The following OR2C1 variants were observed in gnomAD, a reference collection of about 807,000 sequenced individuals.
OR2C1 encodes olfactory receptor family 2 subfamily C member 1.
For missense variants in OR2C1, 468 were observed against 388.3 expected, an observed-to-expected ratio of 1.21 and a Z score of -1.73; for synonymous variants, 209 against 167.3, an observed-to-expected ratio of 1.25 and a Z score of -1.92.
chr16:3,323,021 C>T, the OR2C1 span: 2 of 690,858 alleles, frequency 2.9e-6, no homozygotes, highest in Non-Finnish European at 3.6e-6. Context: ...GAGGTACTTG[C>T]CATGAACCTA....
the OR2C1 span, among the ~76,000 whole-genome samples, chr16:3,337,665 A>T: frequency 4.6e-5 from 7 of 151,878 alleles, no homozygotes; most frequent in Non-Finnish European, 1.0e-4. Context: ...TATTATCTTG[A>T]TGACCATTGA....
the OR2C1 span, among the ~76,000 whole-genome samples, chr16:3,331,428 T>C: frequency 6.6e-6 from 1 of 151,544 alleles, no homozygotes; most frequent in African/African-American, 2.4e-5. Context: ...TTGGTTGCCA[T>C]TGCTTTTGGT....
the OR2C1 span, among the ~76,000 whole-genome samples, chr16:3,345,117 C>T: frequency 6.6e-6 from 1 of 151,848 alleles, no homozygotes; most frequent in Non-Finnish European, 1.5e-5. Context: ...CACACAACAA[C>T]CTGGACGTAC....
At chr16:3,355,013 G>C (rs962761292), upstream of OR2C1, among the ~76,000 whole-genome samples, 14 of 152,098 alleles carry the variant, frequency 9.2e-5, no homozygotes, top group African/African-American at 3.4e-4. Context: ...CATAGCCATT[G>C]TTCTGAACTG....
At chr16:3,329,825 G>A in the OR2C1 span, among the ~76,000 whole-genome samples, 1 of 126,860 alleles carries the variant, frequency 7.9e-6, no homozygotes, top group African/African-American at 3.1e-5. Flanking sequence ...CGCAATCTCA[G>A]CTCACTGTAA....
rs1440425519 is a variant in OR2C1, at chr16:3,357,148, C to T, written c.*269C>T. The T allele has an allele frequency of 5.1e-6, 2 of 395,046 alleles. No homozygotes were observed. The highest frequency in any genetic ancestry group is 9.5e-6 in the Non-Finnish European group (2 of 210,596). 24.5% of individuals were successfully genotyped at this position (395,046 alleles called of 1,614,324 possible). On this transcript the variant is annotated 3_prime_UTR_variant, in exon 1 of 1. Coordinates refer to ENST00000304936, the MANE Select transcript of OR2C1 (RefSeq NM_012368.3). Reference sequence around the variant, plus strand: ...TCAGAGGTTATTGACCTGTGACAGACCTGTCTCACTGTCTCTGTCTCTGTT... The same window carrying T: ...TCAGAGGTTATTGACCTGTGACAGATCTGTCTCACTGTCTCTGTCTCTGTT...
chr16:3,336,121 T>C, the OR2C1 span, among the ~76,000 whole-genome samples: 10 of 152,314 alleles, frequency 6.6e-5, no homozygotes, highest in Admixed American at 3.9e-4. Flanking sequence ...AGAGTTTTTA[T>C]CATAAAGAGA....
chr16:3,329,395 G>C, the OR2C1 span, among the ~76,000 whole-genome samples: 5 of 151,928 alleles, frequency 3.3e-5, no homozygotes, highest in South Asian at 8.3e-4. Flanking sequence ...GGATAGATAA[G>C]AATAAAGGCC....
rs756120417 is a variant in OR2C1, at chr16:3,356,905, C to T, written c.*26C>T. On this transcript the variant is annotated 3_prime_UTR_variant, in exon 1 of 1. Transcript: ENST00000304936. ...GAGAACACTCCTTCGTTATTTATTG[C>T]GTCTTCATCTCTACATGCGTTTCTC... The T allele has an allele frequency of 1.9e-5, 28 of 1,490,488 alleles. No homozygotes were observed. In the East Asian group the frequency reaches 4.5e-4, roughly 24 times the overall value. 92.3% of individuals were successfully genotyped at this position (1,490,488 alleles called of 1,614,324 possible).
At chr16:3,337,269 C>T in the OR2C1 span, among the ~76,000 whole-genome samples, 1 of 151,970 alleles carries the variant, frequency 6.6e-6, no homozygotes, top group African/African-American at 2.4e-5. Flanking sequence ...ATTCTTATGC[C>T]TCAGCCTCCC....
At chr16:3,327,848 AT>A in the OR2C1 span, among the ~76,000 whole-genome samples, 6,268 of 150,472 alleles carry the variant, frequency 0.042, 150 homozygotes, top group East Asian at 0.07. Flanking sequence ...ATTGGCTTTA[AT>A]TTTTTTTTTC....
chr16:3,328,507 G>T, the OR2C1 span, among the ~76,000 whole-genome samples: 1 of 152,142 alleles, frequency 6.6e-6, no homozygotes, highest in Admixed American at 6.5e-5. Context: ...CACTTTTTAT[G>T]TATCAGCCTG....
Position 3,355,895 on chromosome 16 carries a change from C to G in OR2C1, c.-46C>G. On this transcript the variant is annotated 5_prime_UTR_variant, in exon 1 of 1. Coordinates refer to ENST00000304936, the MANE Select transcript of OR2C1 (RefSeq NM_012368.3). ...AGCTTTTTCTTGACTTTTCTTCCAG[C>G]AGCTTGCGCTAAATGAATTCATCAA... 1 of 1,404,892 alleles carries G rather than the reference C, an allele frequency of 7.1e-7. No individual in the cohort carries two copies. The highest frequency in any genetic ancestry group is 1.3e-5 in the South Asian group (1 of 75,008). 87.0% of individuals were successfully genotyped at this position (1,404,892 alleles called of 1,614,324 possible). A position where few individuals can be genotyped will look rare whatever the true frequency, so the allele number is the denominator to read the frequency against.
the OR2C1 span, chr16:3,323,624 A>ATGGCT: frequency 2.8e-6 from 2 of 727,024 alleles, no homozygotes; most frequent in South Asian, 2.9e-5. Context: ...CTGCACCAGT[A>ATGGCT]GACTCACGCC....
the OR2C1 span, among the ~76,000 whole-genome samples, chr16:3,345,525 C>T: frequency 1.3e-5 from 2 of 151,552 alleles, no homozygotes; most frequent in South Asian, 2.1e-4. Flanking sequence ...AGAGGTATGG[C>T]ACTATATGTT....
upstream of OR2C1, among the ~76,000 whole-genome samples, chr16:3,352,305 C>T (rs917533361): frequency 6.6e-5 from 10 of 151,882 alleles, no homozygotes; most frequent in South Asian, 4.2e-4. Flanking sequence ...TTAGTAGAGA[C>T]GGGGTTTCAC....
At chr16:3,350,172 C>T in the OR2C1 span, among the ~76,000 whole-genome samples, 3 of 148,678 alleles carry the variant, frequency 2.0e-5, no homozygotes, top group East Asian at 6.2e-4. Flanking sequence ...TCTCCCGCCT[C>T]AACCTCCCAA....
the OR2C1 span, among the ~76,000 whole-genome samples, chr16:3,324,112 G>T: frequency 6.6e-6 from 1 of 152,146 alleles, no homozygotes; most frequent in Non-Finnish European, 1.5e-5. Flanking sequence ...TTAAATATTT[G>T]TAGCATTAGA....
the OR2C1 span, among the ~76,000 whole-genome samples, chr16:3,346,515 CA>C: frequency 7.3e-5 from 11 of 151,114 alleles, no homozygotes; most frequent in African/African-American, 2.7e-4. Context: ...AACAAACAAA[CA>C]AAAAAACCTA....
Sources: gnomAD v4.1 joint callset for allele counts (sites outside exome capture counted in the v4.1 genomes callset) on GRCh38, gnomAD v4.1.1 for gene constraint, MANE v1.5 for transcripts, NCBI Gene and HGNC (gene_info 2026-07-23, HGNC 2026-07-21) for gene names.